Variants in FSTL5 observed in about 807,000 individuals in gnomAD.
The protein encoded by FSTL5 is follistatin like 5.
FSTL5 carries 62 observed loss-of-function variants against 89.1 expected under a neutral mutation model. That is an observed-to-expected ratio of 0.70 (90% confidence interval 0.57 to 0.86). The LOEUF (loss-of-function observed/expected upper bound fraction) is 0.86. Ranked by LOEUF, FSTL5 falls within the 40% of genes least tolerant of loss-of-function variation. The pLI is 0.00. For synonymous variants in FSTL5, 383 were observed against 346.2 expected (o/e 1.11, Z -1.18); for missense variants, 1,057 against 1,001.6 (o/e 1.06, Z -0.75).
At chr4:161,937,204 T>A (rs1259276321) in intron 3 of FSTL5, among the ~76,000 whole-genome samples, 2 of 151,332 alleles carry the variant, frequency 1.3e-5, no homozygotes, top group African/African-American at 2.4e-5. Flanking sequence ...TAATAGCCAA[T>A]AAATGAAATA....
chr4:161,914,993 A>G (rs577054074), intron 4 of FSTL5, among the ~76,000 whole-genome samples: 2 of 152,342 alleles, frequency 1.3e-5, no homozygotes, highest in African/African-American at 4.8e-5. Flanking sequence ...TAAGAAACAT[A>G]GGCAAGTGAG....
At chr4:161,970,624 A>G (rs946790351) in intron 3 of FSTL5, among the ~76,000 whole-genome samples, 3 of 152,246 alleles carry the variant, frequency 2.0e-5, no homozygotes, top group Middle Eastern at 3.4e-3. Context: ...GCATCTGTGC[A>G]GTGGAAAACA....
At chr4:161,822,131 A>C (rs995604471) in intron 4 of FSTL5, among the ~76,000 whole-genome samples, 1 of 151,774 alleles carries the variant, frequency 6.6e-6, no homozygotes, top group Non-Finnish European at 1.5e-5. Flanking sequence ...TTCTTGCAGG[A>C]GTAAGGTGGT....
intron 4 of FSTL5, among the ~76,000 whole-genome samples, chr4:161,913,928 T>C (rs7661568): frequency 6.6e-6 from 1 of 151,976 alleles, no homozygotes; most frequent in East Asian, 1.9e-4. Flanking sequence ...TTGTTTCAGA[T>C]GAGACTTTGG....
rs1232129024 is a variant in FSTL5, at chr4:161,399,428, A to G, written c.1842-12979T>C. ...TAGAAAATCATAATGAAGAGAAAAT[A>G]CACTTACAGTACTGTACTATATTTT... On this transcript the variant is annotated intron_variant, in intron 15 of 15. Coordinates refer to ENST00000306100, the MANE Select transcript of FSTL5 (RefSeq NM_020116.5). Among the ~76,000 whole-genome samples the G allele has an allele frequency of 3.3e-5, 5 of 152,162 alleles. No homozygotes were observed. In the South Asian group the frequency reaches 8.3e-4, roughly 25 times the overall value.
intron 3 of FSTL5, among the ~76,000 whole-genome samples, chr4:161,932,733 ATG>A (rs1333973755): frequency 6.6e-6 from 1 of 151,848 alleles, no homozygotes; most frequent in African/African-American, 2.4e-5. Flanking sequence ...TTCCATATTT[ATG>A]TCTTTTGCAA....
chr4:161,985,024 A>C (rs1373542369), intron 3 of FSTL5, among the ~76,000 whole-genome samples: 5 of 150,514 alleles, frequency 3.3e-5, no homozygotes, highest in African/African-American at 1.2e-4. Context: ...TGGCGTGATC[A>C]TGGCTCACTG....
At chr4:161,650,811 TAA>T (rs1228743152) in intron 7 of FSTL5, among the ~76,000 whole-genome samples, 6 of 152,282 alleles carry the variant, frequency 3.9e-5, no homozygotes, top group African/African-American at 9.6e-5. Context: ...GGACTATATA[TAA>T]GTTACTGAAC....
At chr4:161,929,681 G>GTGTGTGTGTGTGTGTATA (rs1553983437) in intron 3 of FSTL5, among the ~76,000 whole-genome samples, 5 of 115,448 alleles carry the variant, frequency 4.3e-5, no homozygotes, top group African/African-American at 1.3e-4. Context: ...GTGTGTGTGT[G>GTGTGTGTGTGTGTGTATA]TGTGTGTGTG....
rs574279492 is a variant in FSTL5, at chr4:161,686,055, T to TA, written c.728-29562_728-29561insT. Among the ~76,000 whole-genome samples, 4 of 151,964 alleles carry TA rather than the reference T, an allele frequency of 2.6e-5. No individual in the cohort carries two copies. In the East Asian group the frequency reaches 5.8e-4, roughly 22 times the overall value. On this transcript the variant is annotated intron_variant, in intron 6 of 15. Coordinates refer to ENST00000306100, the MANE Select transcript of FSTL5 (RefSeq NM_020116.5). ...TAGTCTGTTTATGTGTTTTATCACA[T>TA]TTATTGACTTGCGTATGTGAAACCA...
intron 15 of FSTL5, among the ~76,000 whole-genome samples, chr4:161,389,902 A>G (rs531018608): frequency 2.6e-5 from 4 of 152,312 alleles, no homozygotes; most frequent in African/African-American, 9.6e-5. Context: ...ACTTATTATC[A>G]ATTTTTCTGT....
chr4:162,163,592 T>C (rs1365604446), intron 1 of FSTL5, 23 bp downstream of exon 1: 1 of 151,594 alleles, frequency 6.6e-6, no homozygotes, highest in Admixed American at 6.6e-5. Context: ...TGTAATCATT[T>C]ATAACAATAT....
intron 1 of FSTL5, among the ~76,000 whole-genome samples, chr4:162,158,715 A>G (rs1350403873): frequency 6.6e-6 from 1 of 152,068 alleles, no homozygotes; most frequent in Non-Finnish European, 1.5e-5. Flanking sequence ...TAAGAATTCA[A>G]TAGTATCAAT....
chr4:161,792,201 G>C (rs539299891), intron 4 of FSTL5, among the ~76,000 whole-genome samples: 104 of 152,242 alleles, frequency 6.8e-4, no homozygotes, highest in African/African-American at 2.5e-3. Flanking sequence ...AGATGGGTGT[G>C]CGCGTGTCCA....
intron 15 of FSTL5, among the ~76,000 whole-genome samples, chr4:161,427,634 G>A (rs1732209752): frequency 6.6e-6 from 1 of 152,090 alleles, no homozygotes. Context: ...TTCTCAAAAA[G>A]GTGTGTCCCT....
At chr4:161,557,766 C>T (rs767416223) in intron 8 of FSTL5, among the ~76,000 whole-genome samples, 4 of 151,624 alleles carry the variant, frequency 2.6e-5, no homozygotes, top group African/African-American at 4.8e-5. Flanking sequence ...AGCTAAGTTA[C>T]GTATATTGCA....
chr4:161,509,251 C>G (rs1199998338), intron 11 of FSTL5, among the ~76,000 whole-genome samples: 1 of 151,946 alleles, frequency 6.6e-6, no homozygotes, highest in African/African-American at 2.4e-5. Context: ...TGCAGTGCGC[C>G]GAGATCGCGC....
intron 6 of FSTL5, among the ~76,000 whole-genome samples, chr4:161,725,731 T>C (rs893520490): frequency 2.6e-5 from 4 of 152,138 alleles, no homozygotes; most frequent in Non-Finnish European, 2.9e-5. Context: ...ACCTCAATTA[T>C]AGAAATAATG....
At chr4:161,717,062 G>C (rs1437762972) in intron 6 of FSTL5, among the ~76,000 whole-genome samples, 1 of 152,162 alleles carries the variant, frequency 6.6e-6, no homozygotes, top group Non-Finnish European at 1.5e-5. Flanking sequence ...ATATTTGAGG[G>C]AGACAGACTT....
Sources: gnomAD v4.1 joint callset for allele counts (sites outside exome capture counted in the v4.1 genomes callset) on GRCh38, gnomAD v4.1.1 for gene constraint, MANE v1.5 for transcripts, NCBI Gene and HGNC (gene_info 2026-07-23, HGNC 2026-07-21) for gene names.